The following KANK1 variants were observed in gnomAD, a reference collection of about 807,000 sequenced individuals.
KANK1 encodes the protein KN motif and ankyrin repeat domain-containing protein 1.
A neutral mutation model predicts 106.2 loss-of-function variants in KANK1; 109 were observed. The ratio of observed to expected loss-of-function variants is 1.03; its 90% CI spans 0.88 to 1.20. The LOEUF is 1.20. KANK1 is among the 50% of genes most tolerant of loss of function. KANK1 has a pLI of 0.00. For synonymous variants in KANK1, 873 were observed against 652.2 expected (o/e 1.34, Z -5.16); for missense variants, 2,399 against 1,710.7 (o/e 1.40, Z -7.10).
At chr9:571,255 C>T (rs774974923) in intron 1 of KANK1, among the ~76,000 whole-genome samples, 1 of 152,086 alleles carries the variant, frequency 6.6e-6, no homozygotes, top group Non-Finnish European at 1.5e-5. Context: ...CAGAAATACT[C>T]GATACAGTTA....
At chr9:576,277 G>T (rs1468525844) in intron 1 of KANK1, among the ~76,000 whole-genome samples, 1 of 152,158 alleles carries the variant, frequency 6.6e-6, no homozygotes, top group Non-Finnish European at 1.5e-5. Flanking sequence ...AATGCTCAGG[G>T]CTGCTGAGAT....
chr9:613,222 A>G (rs1031756613), intron 1 of KANK1, among the ~76,000 whole-genome samples: 2 of 151,568 alleles, frequency 1.3e-5, no homozygotes, highest in African/African-American at 2.4e-5. Context: ...AGCATCTTTA[A>G]GATTCAGTAA....
At chr9:649,301 C>T (rs1404983900) in intron 1 of KANK1, among the ~76,000 whole-genome samples, 1 of 152,134 alleles carries the variant, frequency 6.6e-6, no homozygotes, top group Admixed American at 6.5e-5. Context: ...GTTTATGTCT[C>T]TTGTCCCTAC....
At chr9:680,282 C>T (rs1295880135) in intron 2 of KANK1, among the ~76,000 whole-genome samples, 1 of 152,076 alleles carries the variant, frequency 6.6e-6, no homozygotes, top group Non-Finnish European at 1.5e-5. Context: ...GCCCTTGGCA[C>T]AAAATACATC....
intron 3 of KANK1, among the ~76,000 whole-genome samples, chr9:721,048 G>C (rs190974771): frequency 6.6e-6 from 1 of 152,292 alleles, no homozygotes; most frequent in East Asian, 1.9e-4. Context: ...CTAGGGAGAA[G>C]TTTGAAAATA....
intron 1 of KANK1, among the ~76,000 whole-genome samples, chr9:673,305 G>A (rs989490589): frequency 1.4e-5 from 2 of 141,756 alleles, no homozygotes; most frequent in Non-Finnish European, 3.0e-5. Context: ...CTGCCTCCCT[G>A]TTCAAGTGAT....
At position 545,745 on chromosome 9, in the gene KANK1, TTTTTTTA is replaced by T. The variant is rs1402091021; in HGVS notation, c.-84+40992_-84+40998del. 8.0e-3 allele frequency among the ~76,000 whole-genome samples: 891 copies of T among 110,904 alleles called. 33 individuals are homozygous for T. Among genetic ancestry groups the T allele is most frequent in the Admixed American group, 0.068 (667 of 9,754 alleles). The allele number at this position is 110,904 out of a possible 152,430, so 72.8% of individuals were successfully genotyped here. ...GAGCCTTTTTTTTTTTTTTTTTTTT[TTTTTTTA>T]AATTCCCTGAGATGTAGTCTCGCTG... On this transcript the variant is annotated intron_variant, in intron 1 of 11. Coordinates refer to ENST00000382297, the MANE Select transcript of KANK1 (RefSeq NM_015158.5).
chr9:691,515 C>T (rs1032469281), intron 2 of KANK1, among the ~76,000 whole-genome samples: 1 of 151,072 alleles, frequency 6.6e-6, no homozygotes, highest in Non-Finnish European at 1.5e-5. Context: ...CCTGCCTTGG[C>T]CTCCCAAAGT....
At chr9:715,484 A>C (rs1827436127) in intron 3 of KANK1, among the ~76,000 whole-genome samples, 1 of 152,184 alleles carries the variant, frequency 6.6e-6, no homozygotes, top group African/African-American at 2.4e-5. Context: ...TGTAACCCTG[A>C]AGTAATTTGC....
intron 1 of KANK1, among the ~76,000 whole-genome samples, chr9:520,195 G>A (rs564002343): frequency 1.3e-5 from 2 of 151,592 alleles, no homozygotes; most frequent in South Asian, 2.1e-4. Context: ...AAAATTAGCC[G>A]TGTGTGGTAG....
chr9:730,585 C>A (rs563245939), intron 4 of KANK1: 27 of 311,016 alleles, frequency 8.7e-5, no homozygotes, highest in South Asian at 6.9e-4. Flanking sequence ...CCCAGCTACT[C>A]CGGCGGCTGA....
chr9:543,226 G>A (rs765868367), intron 1 of KANK1, among the ~76,000 whole-genome samples: 4 of 152,010 alleles, frequency 2.6e-5, no homozygotes, highest in Admixed American at 1.3e-4. Flanking sequence ...GTCACCCAAC[G>A]TATTTATTAA....
At chr9:710,268 T>C (rs936122646) in intron 2 of KANK1, among the ~76,000 whole-genome samples, 8 of 152,202 alleles carry the variant, frequency 5.3e-5, no homozygotes, top group Non-Finnish European at 1.5e-5. Flanking sequence ...GTGAGTTAAA[T>C]ATTTGCATCT....
At chr9:695,534 A>G (rs750384120) in intron 2 of KANK1, among the ~76,000 whole-genome samples, 1 of 151,850 alleles carries the variant, frequency 6.6e-6, no homozygotes, top group Non-Finnish European at 1.5e-5. Flanking sequence ...GAAGAAACCA[A>G]TGTAGAACTC....
At chr9:739,405 T>A (rs1834736976) in intron 8 of KANK1, among the ~76,000 whole-genome samples, 1 of 152,204 alleles carries the variant, frequency 6.6e-6, no homozygotes. Context: ...TTCTGCTCTG[T>A]TTTGGGAACT....
chr9:478,157 A>T (rs559445847), intron 3 of KANK1: 2 of 185,274 alleles, frequency 1.1e-5, no homozygotes, highest in South Asian at 2.0e-4. Flanking sequence ...CACAGTGGAA[A>T]TGCCATTTTT....
upstream of KANK1, among the ~76,000 whole-genome samples, chr9:500,101 C>A (rs1359581740): frequency 6.6e-6 from 1 of 152,182 alleles, no homozygotes; most frequent in Non-Finnish European, 1.5e-5. Flanking sequence ...GTAGAGTGAT[C>A]TTCTTGCACC....
chr9:611,863 C>T (rs1234311876), intron 1 of KANK1, among the ~76,000 whole-genome samples: 5 of 152,120 alleles, frequency 3.3e-5, no homozygotes, highest in East Asian at 1.9e-4. Flanking sequence ...GGATTACAGG[C>T]GCATGCCACC....
chr9:521,036 A>C (rs2059523795), intron 1 of KANK1, among the ~76,000 whole-genome samples: 1 of 151,844 alleles, frequency 6.6e-6, no homozygotes, highest in Non-Finnish European at 1.5e-5. Context: ...TTAAGGCCTC[A>C]TCAGTCTGTC....
Sources: allele counts gnomAD v4.1 joint callset (sites outside exome capture counted in the v4.1 genomes callset), GRCh38; gene constraint gnomAD v4.1.1; transcripts MANE v1.5; gene names NCBI Gene and HGNC (gene_info 2026-07-23, HGNC 2026-07-21).